TULP4: variants seen among roughly 807,000 people sequenced by gnomAD.
The protein encoded by TULP4 is TUB like protein 4.
A neutral mutation model predicts 129.0 loss-of-function variants in TULP4; 16 were observed. The ratio of observed to expected loss-of-function variants is 0.12; its 90% CI spans 0.08 to 0.19. TULP4 has a LOEUF of 0.19. TULP4 is among the 10% of genes least tolerant of loss of function. TULP4 has a pLI of 1.00. For synonymous variants in TULP4, 998 were observed against 854.0 expected (o/e 1.17, Z -2.94); for missense variants, 1,842 against 2,059.1 (o/e 0.89, Z 2.04).
In TULP4 at chr6:158,502,873, C is replaced by T. The variant is rs749591233; in HGVS notation, c.3210C>T (p.Leu1070=). Residue 1070 remains leucine (L), a synonymous_variant, in exon 13 of 14, where the codon CTC becomes CTT. Transcript: ENST00000367097. ...TGGCCTCCCAGTCCTCCTACAGCCT[C>T]CTGAGCCCACCCGACAGCGCCCGCG... is the stretch of plus-strand genomic sequence containing the variant. ...SPLASQSSYS[L]LSPPDSARDR... is the part of the protein sequence containing the mutation. The T allele has an allele frequency of 1.2e-5, 19 of 1,613,920 alleles. No homozygotes were observed. In the South Asian group the frequency reaches 2.1e-4, roughly 18 times the overall value.
At chr6:158,494,176 C>T (rs1002299965) in intron 10 of TULP4, among the ~76,000 whole-genome samples, 1 of 152,132 alleles carries the variant, frequency 6.6e-6, no homozygotes, top group South Asian at 2.1e-4. Context: ...CCTGGTTTGC[C>T]GGGAGAGGCT....
intron 1 of TULP4, among the ~76,000 whole-genome samples, chr6:158,376,249 T>C (rs1317071671): frequency 1.3e-5 from 2 of 152,168 alleles, no homozygotes; most frequent in Non-Finnish European, 2.9e-5. Flanking sequence ...CTTGGGAGCA[T>C]CCTACTGGGC....
At chr6:158,396,675 A>G (rs541608922) in intron 1 of TULP4, among the ~76,000 whole-genome samples, 4 of 152,340 alleles carry the variant, frequency 2.6e-5, no homozygotes, top group African/African-American at 7.2e-5. Flanking sequence ...GTAAAACTCC[A>G]TCATAACCCC....
At chr6:158,443,343 CT>C (rs1297734066) in intron 3 of TULP4, among the ~76,000 whole-genome samples, 3 of 151,952 alleles carry the variant, frequency 2.0e-5, no homozygotes, top group Non-Finnish European at 4.4e-5. Flanking sequence ...TTTTGAACTC[CT>C]GACCTCAAAT....
intron 12 of TULP4, among the ~76,000 whole-genome samples, chr6:158,500,845 A>G (rs1780429898): frequency 6.6e-6 from 1 of 152,222 alleles, no homozygotes; most frequent in South Asian, 2.1e-4. Flanking sequence ...TGGGTGGATC[A>G]CCTGAGGTCA....
intron 6 of TULP4, among the ~76,000 whole-genome samples, chr6:158,478,223 C>T (rs1321290869): frequency 2.0e-5 from 3 of 152,184 alleles, no homozygotes; most frequent in Admixed American, 1.3e-4. Context: ...ATATAACCTG[C>T]TTGTGTACCC....
chr6:158,317,282 C>T (rs1411532665), intron 1 of TULP4, among the ~76,000 whole-genome samples: 3 of 152,036 alleles, frequency 2.0e-5, no homozygotes, highest in African/African-American at 7.3e-5. Context: ...TCATCATTTA[C>T]ATTAGGTATT....
At chr6:158,491,775 G>T (rs1394450401) in intron 9 of TULP4, among the ~76,000 whole-genome samples, 1 of 151,938 alleles carries the variant, frequency 6.6e-6, no homozygotes, top group Non-Finnish European at 1.5e-5. Flanking sequence ...ACAGGTGTGA[G>T]CCACTGCAAC....
chr6:158,334,583 G>C (rs929141416), intron 1 of TULP4, among the ~76,000 whole-genome samples: 1 of 91,650 alleles, frequency 1.1e-5, no homozygotes, highest in Non-Finnish European at 2.3e-5. Context: ...ACTGTGTGGG[G>C]GTTGGCACCC....
chr6:158,238,143 C>A (rs1313520099), intron 1 of TULP4: 2 of 751,956 alleles, frequency 2.7e-6, no homozygotes, highest in Non-Finnish European at 5.0e-6. Flanking sequence ...CTCCTCTCTG[C>A]TTCTCAATAT....
At position 158,508,634 on chromosome 6, in the gene TULP4, C is replaced by T. The variant is rs1780658214; in HGVS notation, c.*1940C>T. The T allele has an allele frequency of 1.3e-5, 2 of 152,664 alleles. No homozygotes were observed. The highest frequency in any genetic ancestry group is 1.9e-4 in the East Asian group (1 of 5,182). 9.5% of individuals were successfully genotyped at this position (152,664 alleles called of 1,614,324 possible). ...GTTTATGTAGCTTGATATGGTGTTTCAGTGCTTATTGGTTGTGCAATAATG... is the reference window on the plus strand; with the variant it reads ...GTTTATGTAGCTTGATATGGTGTTTTAGTGCTTATTGGTTGTGCAATAATG... On this transcript the variant is annotated 3_prime_UTR_variant, in exon 14 of 14. Coordinates refer to ENST00000367097, the MANE Select transcript of TULP4 (RefSeq NM_020245.5).
chr6:158,262,891 G>A (rs1778375987), intron 1 of TULP4, among the ~76,000 whole-genome samples: 1 of 75,430 alleles, frequency 1.3e-5, no homozygotes, highest in East Asian at 5.4e-4. Flanking sequence ...CTTCTGCTGG[G>A]TTTTCAGATG....
At chr6:158,237,905 T>C (rs7753292) in intron 1 of TULP4, 271,385 of 731,760 alleles carry the variant, frequency 0.37, 52,855 homozygotes, top group Admixed American at 0.49. Flanking sequence ...TGAATATCTT[T>C]TGGATTTTGT....
intron 1 of TULP4, among the ~76,000 whole-genome samples, chr6:158,327,970 A>G (rs73015896): frequency 0.044 from 6,757 of 152,224 alleles, 213 homozygotes; most frequent in Middle Eastern, 0.071. Flanking sequence ...TGGGACTGCC[A>G]AAGGTCAGCA....
intron 1 of TULP4, among the ~76,000 whole-genome samples, chr6:158,378,485 T>TGTG (rs1777247986): frequency 3.9e-5 from 2 of 51,412 alleles, no homozygotes; most frequent in Non-Finnish European, 7.8e-5. Context: ...TTTTTTTTTT[T>TGTG]GGTGGGGGTG....
chr6:158,377,841 A>G (rs563944822), intron 1 of TULP4, among the ~76,000 whole-genome samples: 2 of 152,302 alleles, frequency 1.3e-5, no homozygotes, highest in South Asian at 2.1e-4. Flanking sequence ...ATATTGTAAT[A>G]TGAGAAACCA....
intron 1 of TULP4, among the ~76,000 whole-genome samples, chr6:158,329,568 A>T (rs913307937): frequency 6.6e-5 from 10 of 152,058 alleles, no homozygotes; most frequent in Admixed American, 1.3e-4. Flanking sequence ...GGCTTTGTTT[A>T]AAAAGGCAGT....
chr6:158,312,630 C>G lies in TULP4; in HGVS notation c.-1387C>G, dbSNP rs566810299. The G allele has an allele frequency of 6.6e-6, 1 of 152,482 alleles. No individual in the cohort carries two copies. Among genetic ancestry groups the G allele is most frequent in the African/African-American group, 2.4e-5 (1 of 41,442 alleles). 9.4% of individuals were successfully genotyped at this position (152,482 alleles called of 1,614,324 possible). On this transcript the variant is annotated 5_prime_UTR_variant, in exon 1 of 14. Transcript: ENST00000367097. ...GACAAGTTTGAATAATGAACTGATTCCTTTGCCTATCTTAATTAACTGTAT... is the reference window on the plus strand; with the variant it reads ...GACAAGTTTGAATAATGAACTGATTGCTTTGCCTATCTTAATTAACTGTAT...
chr6:158,310,165 G>T (rs896705566), upstream of TULP4, among the ~76,000 whole-genome samples: 3 of 151,970 alleles, frequency 2.0e-5, no homozygotes, highest in Non-Finnish European at 4.4e-5. Flanking sequence ...GTTTTAATTG[G>T]CTCATGGCTC....
Sources: gnomAD v4.1 joint callset for allele counts (sites outside exome capture counted in the v4.1 genomes callset) on GRCh38, gnomAD v4.1.1 for gene constraint, MANE v1.5 for transcripts, NCBI Gene and HGNC (gene_info 2026-07-23, HGNC 2026-07-21) for gene names.